The following ARID4B variants were observed in gnomAD, a reference collection of about 807,000 sequenced individuals.
ARID4B encodes the protein AT-rich interactive domain-containing protein 4B.
ARID4B carries 26 observed loss-of-function variants against 147.5 expected under a neutral mutation model. The observed-to-expected ratio is 0.18, with a 90% CI of 0.13 to 0.24. The LOEUF (loss-of-function observed/expected upper bound fraction) is 0.24, where lower values mean the gene tolerates loss of function less well. Among genes scored for constraint, ARID4B ranks in the 10% least tolerant of loss-of-function variants. The probability of loss-of-function intolerance (pLI) is 1.00; values close to 1 mark genes in which losing one functional copy is unlikely to be tolerated. For synonymous variants in ARID4B, 512 were observed against 507.9 expected (o/e 1.01, Z -0.11); for missense variants, 1,179 against 1,511.5 (o/e 0.78, Z 3.65).
At chr1:235,280,136 T>C (rs1194582411) in intron 2 of ARID4B, among the ~76,000 whole-genome samples, 1 of 152,216 alleles carries the variant, frequency 6.6e-6, no homozygotes, top group African/African-American at 2.4e-5. Context: ...TATGAGCTCT[T>C]TGACAGTCAT....
At chr1:235,271,955 TAATAATAATAATA>T (rs942502387) in intron 2 of ARID4B, among the ~76,000 whole-genome samples, 6 of 118,632 alleles carry the variant, frequency 5.1e-5, no homozygotes, top group East Asian at 2.1e-4. Flanking sequence ...TCTCAAAAAG[TAATAATAATAATA>T]AATAATAATA....
At chr1:235,318,063 AACCC>A (rs374730494) in intron 2 of ARID4B, among the ~76,000 whole-genome samples, 2 of 152,160 alleles carry the variant, frequency 1.3e-5, no homozygotes, top group African/African-American at 4.8e-5. Flanking sequence ...AAGCAGAAAT[AACCC>A]ACATGTCCTC....
chr1:235,318,134 A>T (rs1219506577), intron 2 of ARID4B, among the ~76,000 whole-genome samples: 1 of 152,028 alleles, frequency 6.6e-6, no homozygotes, highest in African/African-American at 2.4e-5. Flanking sequence ...TTATTCAGCA[A>T]TAAAAAAGAG....
chr1:235,327,576 T>C (rs1020066179), intron 1 of ARID4B, 193 bp downstream of exon 1: 2 of 151,996 alleles, frequency 1.3e-5, no homozygotes, highest in Non-Finnish European at 2.9e-5. Flanking sequence ...AACCGCTGAG[T>C]GTGCGGCCGC....
At chr1:235,259,857 A>G (rs1670193292) in intron 3 of ARID4B, among the ~76,000 whole-genome samples, 1 of 152,232 alleles carries the variant, frequency 6.6e-6, no homozygotes, top group Non-Finnish European at 1.5e-5. Flanking sequence ...GGTGAAATAA[A>G]AACCAATGGC....
At chr1:235,316,872 C>A (rs1299128900) in intron 2 of ARID4B, among the ~76,000 whole-genome samples, 1 of 149,742 alleles carries the variant, frequency 6.7e-6, no homozygotes, top group East Asian at 1.9e-4. Flanking sequence ...ACGTAAAACA[C>A]AAAAAATCAG....
In ARID4B at chr1:235,301,534, CTTTTTTTT is replaced by C. The variant is rs567369149; in HGVS notation, c.6+25372_6+25379del. 9.0e-5 allele frequency among the ~76,000 whole-genome samples: 9 copies of C among 99,822 alleles called. No homozygotes were observed. In the East Asian group the frequency reaches 1.9e-3, roughly 21 times the overall value. The allele number at this position is 99,822 out of a possible 152,430, so 65.5% of individuals were successfully genotyped here. ...AGCCGGTGAGAGTGAGACCCTATTT[CTTTTTTTT>C]TTTTTTTTTTTTCTCCTTTTGAGAC... On this transcript the variant is annotated intron_variant, in intron 2 of 23. Transcript: ENST00000264183.
At chr1:235,176,562 C>A (rs1480001476) in intron 21 of ARID4B, among the ~76,000 whole-genome samples, 1 of 151,462 alleles carries the variant, frequency 6.6e-6, no homozygotes, top group African/African-American at 2.4e-5. Context: ...TAAAGAAACT[C>A]CACCACTGGT....
intron 2 of ARID4B, among the ~76,000 whole-genome samples, chr1:235,264,527 T>TA (rs1202755003): frequency 2.6e-5 from 4 of 152,200 alleles, no homozygotes; most frequent in African/African-American, 9.7e-5. Flanking sequence ...CTCTACTCCT[T>TA]ACACCAACTA....
At chr1:235,266,288 A>T (rs1670603816) in intron 2 of ARID4B, among the ~76,000 whole-genome samples, 1 of 152,024 alleles carries the variant, frequency 6.6e-6, no homozygotes, top group Admixed American at 6.6e-5. Flanking sequence ...ACCAACACCA[A>T]CCCTGATAAA....
intron 2 of ARID4B, among the ~76,000 whole-genome samples, chr1:235,323,517 G>C (rs1047465642): frequency 2.0e-5 from 3 of 152,136 alleles, no homozygotes; most frequent in African/African-American, 7.2e-5. Context: ...GGGCGCAGTG[G>C]CTCACGCCTG....
intron 2 of ARID4B, among the ~76,000 whole-genome samples, chr1:235,309,040 T>G (rs1167908973): frequency 4.8e-5 from 6 of 126,008 alleles, no homozygotes; most frequent in African/African-American, 1.8e-4. Context: ...GAGCGCCTCT[T>G]CCCGGCCGCC....
intron 2 of ARID4B, among the ~76,000 whole-genome samples, chr1:235,284,871 A>G (rs889093097): frequency 6.6e-5 from 10 of 152,152 alleles, no homozygotes; most frequent in Admixed American, 4.6e-4. Flanking sequence ...TCTACAGACC[A>G]ATATCCCTCA....
chr1:235,297,418 T>C (rs1474602141), intron 2 of ARID4B, among the ~76,000 whole-genome samples: 4 of 152,172 alleles, frequency 2.6e-5, no homozygotes, highest in South Asian at 2.1e-4. Flanking sequence ...TTCTAGATTT[T>C]AAAGACAGTA....
intron 2 of ARID4B, among the ~76,000 whole-genome samples, chr1:235,302,181 CA>C (rs1364335066): frequency 4.2e-4 from 16 of 38,112 alleles, no homozygotes; most frequent in African/African-American, 1.6e-3. Context: ...AAAAAAACAG[CA>C]AAAAAAAACA....
At chr1:235,282,091 G>A (rs1399233939) in intron 2 of ARID4B, among the ~76,000 whole-genome samples, 16 of 152,118 alleles carry the variant, frequency 1.1e-4, no homozygotes, top group Admixed American at 1.0e-3. Context: ...TGGCATATTT[G>A]AAGGAATTGA....
chr1:235,307,368 C>G (rs1673645658), intron 2 of ARID4B, among the ~76,000 whole-genome samples: 1 of 152,122 alleles, frequency 6.6e-6, no homozygotes, highest in African/African-American at 2.4e-5. Flanking sequence ...TCCCTTGAAT[C>G]CAGGAGTTCA....
chr1:235,221,748 T>C (rs982133130), intron 13 of ARID4B, 86 bp from the exon 14 acceptor site: 13 of 566,352 alleles, frequency 2.3e-5, no homozygotes, highest in Non-Finnish European at 3.6e-5. Flanking sequence ...TATGAGTATA[T>C]TTTTATATTT....
At chr1:235,224,380 A>T (rs988561453) in intron 12 of ARID4B, among the ~76,000 whole-genome samples, 1 of 152,182 alleles carries the variant, frequency 6.6e-6, no homozygotes, top group Non-Finnish European at 1.5e-5. Flanking sequence ...AGACTTTGTC[A>T]CACTTCTTTA....
Sources: gnomAD v4.1 joint callset for allele counts (sites outside exome capture counted in the v4.1 genomes callset) on GRCh38, gnomAD v4.1.1 for gene constraint, MANE v1.5 for transcripts, NCBI Gene and HGNC (gene_info 2026-07-23, HGNC 2026-07-21) for gene names.